The following RBFOX1 variants were observed in gnomAD, a reference collection of about 807,000 sequenced individuals.
RBFOX1 encodes RNA binding protein fox-1 homolog 1.
Under a neutral mutation model 57.7 loss-of-function variants are expected in RBFOX1, and 8 were observed. The observed-to-expected ratio is 0.14, with a 90% CI of 0.08 to 0.25. The LOEUF (loss-of-function observed/expected upper bound fraction) is 0.25. Ranked by LOEUF, RBFOX1 falls within the 10% of genes least tolerant of loss-of-function variation. The pLI, the probability that RBFOX1 is intolerant of heterozygous loss-of-function variation, is 1.00. For missense variants in RBFOX1, 611 were observed against 548.5 expected (o/e 1.11, Z -1.14); for synonymous variants, 326 against 222.4 (o/e 1.47, Z -4.15).
chr16:7,620,558 T>TATCA (rs777081668), intron 10 of RBFOX1, among the ~76,000 whole-genome samples: 1 of 152,244 alleles, frequency 6.6e-6, no homozygotes, highest in Non-Finnish European at 1.5e-5. Context: ...TTTAAAACCC[T>TATCA]ATCACAGATT....
chr16:5,681,646 G>T (rs969648894), intron 3 of RBFOX1, among the ~76,000 whole-genome samples: 3 of 152,004 alleles, frequency 2.0e-5, no homozygotes, highest in African/African-American at 7.3e-5. Context: ...ACCCACCTCA[G>T]CCTCCCAAGG....
chr16:5,454,759 C>CCTTTTTTCT (rs1443026348), intron 1 of RBFOX1, among the ~76,000 whole-genome samples: 1 of 75,950 alleles, frequency 1.3e-5, no homozygotes, highest in African/African-American at 5.1e-5. Context: ...CTTTTCTTTT[C>CCTTTTTTCT]TTTCTTTCTC....
In RBFOX1 at chr16:6,126,934, G is replaced by GA. The variant is rs536743974; in HGVS notation, c.-127+106949dup. Among the ~76,000 whole-genome samples the GA allele has an allele frequency of 1.6e-3, 247 of 152,180 alleles. 3 individuals are homozygous for GA. The highest frequency in any genetic ancestry group is 3.9e-4 in the East Asian group (2 of 5,178). On this transcript the variant is annotated intron_variant, in intron 1 of 15. Coordinates refer to ENST00000550418, the MANE Select transcript of RBFOX1 (RefSeq NM_018723.4). ...GGTTATGCCTTATGCCAGGTACTAG[G>GA]AAAAAAATCAATGTGGTTGTGAGAT...
chr16:7,436,524 A>G (rs6500967), intron 4 of RBFOX1, among the ~76,000 whole-genome samples: 111,557 of 152,148 alleles, frequency 0.73, 41,631 homozygotes, highest in Non-Finnish European at 0.81. Flanking sequence ...TGCCTCATCC[A>G]TCCAACAACT....
intron 5 of RBFOX1, chr16:7,519,547 A>G (rs1600714834): frequency 4.0e-6 from 1 of 247,968 alleles, no homozygotes; most frequent in African/African-American, 2.3e-5. Flanking sequence ...ATAACTCTAA[A>G]TGAAAATATT....
intron 3 of RBFOX1, among the ~76,000 whole-genome samples, chr16:6,942,488 C>G (rs925031702): frequency 2.0e-5 from 3 of 152,126 alleles, no homozygotes; most frequent in South Asian, 2.1e-4. Context: ...TTGACAACAT[C>G]TCCATCTCCT....
intron 4 of RBFOX1, among the ~76,000 whole-genome samples, chr16:7,161,561 C>T (rs943265069): frequency 6.6e-6 from 1 of 152,094 alleles, no homozygotes; most frequent in East Asian, 1.9e-4. Context: ...CAGTGAAGTC[C>T]TTTGCTAAGG....
intron 2 of RBFOX1, among the ~76,000 whole-genome samples, chr16:5,542,088 C>G (rs1185163889): frequency 6.6e-6 from 1 of 152,016 alleles, no homozygotes; most frequent in East Asian, 1.9e-4. Context: ...GAGGGTTGAT[C>G]TTATTCTAGA....
chr16:5,296,362 T>A (rs1189119896), intron 1 of RBFOX1, among the ~76,000 whole-genome samples: 2 of 152,164 alleles, frequency 1.3e-5, no homozygotes, highest in African/African-American at 4.8e-5. Flanking sequence ...CACACTGTCA[T>A]GTAAGTCTGC....
At chr16:7,145,562 C>A (rs1170180534) in intron 4 of RBFOX1, among the ~76,000 whole-genome samples, 2 of 152,032 alleles carry the variant, frequency 1.3e-5, no homozygotes, top group African/African-American at 4.8e-5. Context: ...AAGTGCAGAA[C>A]CTCATATGAT....
chr16:7,552,422 G>A lies in RBFOX1; in HGVS notation c.271-27355G>A, dbSNP rs113660929. 2.3e-3 allele frequency among the ~76,000 whole-genome samples: 351 copies of A among 152,216 alleles called. 1 individual carries two copies. The highest frequency in any genetic ancestry group is 8.0e-3 in the African/African-American group (331 of 41,538). On this transcript the variant is annotated intron_variant, in intron 5 of 15. Coordinates refer to ENST00000550418, the MANE Select transcript of RBFOX1 (RefSeq NM_018723.4). ...GAAAAGACTTCAGAAGACCTTTTCT[G>A]GAAGCCTTTTCTTTAGCAGCAGGGT... is the stretch of plus-strand genomic sequence containing the variant.
At chr16:7,680,919 C>T (rs2074567604) in intron 14 of RBFOX1, among the ~76,000 whole-genome samples, 1 of 152,096 alleles carries the variant, frequency 6.6e-6, no homozygotes, top group South Asian at 2.1e-4. Flanking sequence ...CACACACACT[C>T]ACTTGTGCCT....
chr16:6,976,937 C>A (rs969576729), intron 3 of RBFOX1, among the ~76,000 whole-genome samples: 1 of 145,204 alleles, frequency 6.9e-6, no homozygotes, highest in Non-Finnish European at 1.5e-5. Flanking sequence ...TTATATATAT[C>A]ATATACTATA....
chr16:7,240,110 G>A (rs1212015423), intron 4 of RBFOX1, among the ~76,000 whole-genome samples: 1 of 152,102 alleles, frequency 6.6e-6, no homozygotes, highest in Non-Finnish European at 1.5e-5. Context: ...GGGATTACGG[G>A]CACCCGCCAC....
At chr16:7,070,413 G>A (rs75852978) in intron 4 of RBFOX1, among the ~76,000 whole-genome samples, 105 of 152,220 alleles carry the variant, frequency 6.9e-4, no homozygotes, top group African/African-American at 2.3e-3. Context: ...TGCATATACC[G>A]AGTATTCTGA....
At chr16:7,693,635 A>C (rs545877972) in intron 14 of RBFOX1, among the ~76,000 whole-genome samples, 1 of 152,274 alleles carries the variant, frequency 6.6e-6, no homozygotes, top group East Asian at 1.9e-4. Flanking sequence ...ATGAATCCAC[A>C]AGAAAATCTT....
chr16:5,306,901 G>T (rs2063951665), intron 1 of RBFOX1, among the ~76,000 whole-genome samples: 1 of 152,186 alleles, frequency 6.6e-6, no homozygotes, highest in African/African-American at 2.4e-5. Flanking sequence ...TTTGGTCTAA[G>T]TCAAGGAGAA....
At position 5,454,739 on chromosome 16, in the gene RBFOX1, C is replaced by CTT. The variant is rs1260803530; in HGVS notation, c.220-12475_220-12474dup. On this transcript the variant is annotated intron_variant, in intron 1 of 2. Coordinates refer to the RBFOX1 transcript ENST00000585867. ...TTCCTTAAAATCTCTCTCTTTCTTT[C>CTT]TTTCTTTTTCTTTTCTTTTCTTTCT... Among the ~76,000 whole-genome samples, 216 of 136,660 alleles carry CTT rather than the reference C, an allele frequency of 1.6e-3. 2 individuals are homozygous for CTT. The highest frequency in any genetic ancestry group is 5.6e-3 in the African/African-American group (190 of 33,762). 89.7% of individuals were successfully genotyped at this position (136,660 alleles called of 152,430 possible). A position where few individuals can be genotyped will look rare whatever the true frequency, so the allele number is the denominator to read the frequency against.
rs193159427 is a variant in RBFOX1 at position 5,736,676 on chromosome 16, C to G, written c.319-130627C>G. On this transcript the variant is annotated intron_variant, in intron 3 of 19. Transcript: ENST00000641259. ...ACCTGGCATTTTCCTGTGCTGGTGTCTCTCAGATTGTCTGTCTCTGTCTCT... is the reference window on the plus strand; with the variant it reads ...ACCTGGCATTTTCCTGTGCTGGTGTGTCTCAGATTGTCTGTCTCTGTCTCT... Among the ~76,000 whole-genome samples the G allele has an allele frequency of 2.4e-3, 369 of 152,218 alleles. 1 individual carries two copies. Among genetic ancestry groups the G allele is most frequent in the African/African-American group, 8.5e-3 (355 of 41,542 alleles).
Sources: allele counts gnomAD v4.1 joint callset (sites outside exome capture counted in the v4.1 genomes callset), GRCh38; gene constraint gnomAD v4.1.1; transcripts MANE v1.5; gene names NCBI Gene and HGNC (gene_info 2026-07-23, HGNC 2026-07-21).